HIPK2: variants seen among roughly 807,000 people sequenced by gnomAD.
The protein encoded by HIPK2 is homeodomain interacting protein kinase 2.
In HIPK2, 27 loss-of-function variants were observed where a neutral mutation model predicts 113.7. The observed-to-expected ratio is 0.24, with a 90% CI of 0.17 to 0.33. The LOEUF (loss-of-function observed/expected upper bound fraction) is 0.33, where lower values mean the gene tolerates loss of function less well. HIPK2 is among the 10% of genes least tolerant of loss of function. The pLI is 1.00. For missense variants in HIPK2, 1,257 were observed against 1,588.0 expected (o/e 0.79, Z 3.54); for synonymous variants, 631 against 642.2 (o/e 0.98, Z 0.26).
At chr7:139,592,658 A>G (rs1010050830) in intron 12 of HIPK2, among the ~76,000 whole-genome samples, 8 of 152,238 alleles carry the variant, frequency 5.3e-5, no homozygotes, top group African/African-American at 1.7e-4. Context: ...AACACAAGGT[A>G]AAGATAGCAG....
At chr7:139,635,700 G>T (rs1234142529) in intron 2 of HIPK2, among the ~76,000 whole-genome samples, 1 of 152,114 alleles carries the variant, frequency 6.6e-6, no homozygotes, top group Non-Finnish European at 1.5e-5. Context: ...TGTCTGCGAA[G>T]GCCTCTGATG....
Position 139,777,666 on chromosome 7 carries a change from A to C in HIPK2, c.-43T>G. The C allele has an allele frequency of 1.9e-6, 2 of 1,074,342 alleles. No homozygotes were observed. The highest frequency in any genetic ancestry group is 1.1e-6 in the Non-Finnish European group (1 of 886,906). The allele number at this position is 1,074,342 out of a possible 1,614,324, so 66.6% of individuals were successfully genotyped here. On this transcript the variant is annotated 5_prime_UTR_variant, in exon 1 of 15. Transcript: ENST00000406875. The stretch of plus-strand genomic sequence containing the variant: ...CGGTTCATGGCAACGGGGACGGGAA[A>C]GCGGCGCGCGAGCTCGGCCCCCCCA...
intron 13 of HIPK2, among the ~76,000 whole-genome samples, chr7:139,578,402 T>C (rs1798559432): frequency 6.6e-6 from 1 of 152,160 alleles, no homozygotes; most frequent in African/African-American, 2.4e-5. Flanking sequence ...TGCCTCAGCC[T>C]CCCAAAGTGT....
In HIPK2 at chr7:139,630,261, T is replaced by G. The variant is rs933805935; in HGVS notation, c.1347+904A>C. Among the ~76,000 whole-genome samples, 1 of 152,314 alleles carries G rather than the reference T, an allele frequency of 6.6e-6. No individual in the cohort carries two copies. The highest frequency in any genetic ancestry group is 2.4e-5 in the African/African-American group (1 of 41,572). On this transcript the variant is annotated intron_variant, in intron 4 of 14. Transcript: ENST00000406875. The surrounding 1 kb of genome is among the most constrained non-coding windows in gnomAD (Gnocchi z 4.0). ...AGTTTCAGGTTTATGGTTACTTGTG[T>G]GAACCAGACACCTCCCTGGGCCTTA...
intron 2 of HIPK2, among the ~76,000 whole-genome samples, chr7:139,639,945 TC>T (rs1023266461): frequency 1.3e-5 from 2 of 152,112 alleles, no homozygotes; most frequent in African/African-American, 4.8e-5. Flanking sequence ...CAGGGGCTGT[TC>T]CTGTTCTCGG....
chr7:139,589,976 T>C lies in HIPK2; in HGVS notation c.2718-5912A>G, dbSNP rs74679177. The stretch of plus-strand genomic sequence containing the variant: ...TGCTAGCTGTTTTTCATCTCTTCCA[T>C]TGTTAGAAAGCTCTGCGCTCTACCT... On this transcript the variant is annotated intron_variant, in intron 12 of 14. Transcript: ENST00000406875. Among the ~76,000 whole-genome samples, 749 of 152,314 alleles carry C rather than the reference T, an allele frequency of 4.9e-3. 7 individuals carry two copies. The highest frequency in any genetic ancestry group is 0.017 in the African/African-American group (701 of 41,560).
rs565801579 is a variant in HIPK2 at position 139,744,089 on chromosome 7, CAT to C, written c.20-27076_20-27075del. 8.2e-4 allele frequency among the ~76,000 whole-genome samples: 125 copies of C among 152,216 alleles called. 1 individual carries two copies. The highest frequency in any genetic ancestry group is 2.8e-3 in the African/African-American group (116 of 41,532). The stretch of plus-strand genomic sequence containing the variant: ...AATGGGATACCAAGAAAACTGAAAA[CAT>C]ATGTCTACACAAAACCATGTCCACT... On this transcript the variant is annotated intron_variant, in intron 1 of 14. Transcript: ENST00000406875.
At chr7:139,676,847 TA>T (rs1337785689) in intron 2 of HIPK2, among the ~76,000 whole-genome samples, 6 of 104,588 alleles carry the variant, frequency 5.7e-5, no homozygotes, top group Non-Finnish European at 1.2e-4. Context: ...AGAACCATAG[TA>T]TTTCTTTTTT....
intron 1 of HIPK2, among the ~76,000 whole-genome samples, chr7:139,744,754 G>T (rs1308232250): frequency 6.6e-6 from 1 of 152,202 alleles, no homozygotes; most frequent in Non-Finnish European, 1.5e-5. Context: ...CGGACTTACG[G>T]CAAGTGGATT....
chr7:139,697,424 T>A (rs1355864316), intron 2 of HIPK2, among the ~76,000 whole-genome samples: 3 of 152,110 alleles, frequency 2.0e-5, no homozygotes, highest in Non-Finnish European at 4.4e-5. Flanking sequence ...TAAAATCAGC[T>A]CCTATGGCGA....
chr7:139,609,518 C>A (rs1585271939), intron 9 of HIPK2, among the ~76,000 whole-genome samples: 1 of 152,148 alleles, frequency 6.6e-6, no homozygotes, highest in East Asian at 1.9e-4. Flanking sequence ...AGAACAATGT[C>A]AACTTTTTGA....
At chr7:139,732,165 G>A (rs1217464877) in intron 1 of HIPK2, among the ~76,000 whole-genome samples, 1 of 152,164 alleles carries the variant, frequency 6.6e-6, no homozygotes, top group African/African-American at 2.4e-5. Flanking sequence ...ATGCAATGTG[G>A]TATTATTTGC....
intron 1 of HIPK2, among the ~76,000 whole-genome samples, chr7:139,727,939 T>A (rs1392850904): frequency 2.0e-5 from 2 of 98,512 alleles, no homozygotes; most frequent in Non-Finnish European, 2.2e-5. Flanking sequence ...TGGCTAATTT[T>A]TTTTTTTTTT....
At chr7:139,657,396 G>A (rs947794790) in intron 2 of HIPK2, among the ~76,000 whole-genome samples, 5 of 152,156 alleles carry the variant, frequency 3.3e-5, no homozygotes, top group African/African-American at 7.2e-5. Flanking sequence ...TTCAGACCTC[G>A]TCCATTCGAT....
intron 6 of HIPK2, 37 bp downstream of exon 6, chr7:139,626,564 C>T: frequency 1.3e-6 from 2 of 1,586,942 alleles, no homozygotes; most frequent in Non-Finnish European, 1.7e-6. Context: ...TTAAAGTTTG[C>T]CGATCCCTGG....
In HIPK2 at chr7:139,716,784, A is replaced by G. The variant is rs1795257611; in HGVS notation, c.251T>C (p.Ile84Thr). The change falls in exon 2 of 15, where the codon ATC (isoleucine) becomes ACC (threonine). Residue 84 changes from isoleucine to threonine, a missense_variant. Physicochemically the swap from Ile to Thr is moderately conservative, Grantham distance 89 (BLOSUM62 -1). Coordinates refer to ENST00000406875, the MANE Select transcript of HIPK2 (RefSeq NM_022740.5). The surrounding 1 kb of genome is among the most constrained non-coding windows in gnomAD (Gnocchi z 9.3). ...GTGCCCGGTGCTTCCTGGGAAGACG[A>G]TGGTCTGCTCGTAAGGTAGGCTTGG... ...PNPSLPYEQT[I>T]VFPGSTGHIV... 2.5e-6 allele frequency: 4 copies of G among 1,613,834 alleles called. No homozygotes were observed. The highest frequency in any genetic ancestry group is 3.4e-6 in the Non-Finnish European group (4 of 1,179,868).
At chr7:139,597,883 CT>C (rs1799278303) in intron 11 of HIPK2, among the ~76,000 whole-genome samples, 1 of 152,106 alleles carries the variant, frequency 6.6e-6, no homozygotes, top group Admixed American at 6.5e-5. Flanking sequence ...CATCTTTTAC[CT>C]GAAATGCTTG....
chr7:139,696,792 A>G (rs971836249), intron 2 of HIPK2, among the ~76,000 whole-genome samples: 1 of 152,152 alleles, frequency 6.6e-6, no homozygotes, highest in South Asian at 2.1e-4. Flanking sequence ...CCTGGCGTCA[A>G]CACTCAGAGG....
At chr7:139,759,342 G>A (rs1796426079) in intron 1 of HIPK2, among the ~76,000 whole-genome samples, 4 of 152,194 alleles carry the variant, frequency 2.6e-5, no homozygotes, top group Admixed American at 2.6e-4. Context: ...TGCATGAGTA[G>A]AATACGGTAT....
Sources: allele counts gnomAD v4.1 joint callset (sites outside exome capture counted in the v4.1 genomes callset), GRCh38; gene constraint gnomAD v4.1.1; non-coding constraint Gnocchi (gnomAD v3.1); transcripts MANE v1.5; gene names NCBI Gene and HGNC (gene_info 2026-07-23, HGNC 2026-07-21).